Variants in DDX42 observed in about 807,000 individuals in gnomAD.
The protein encoded by DDX42 is ATP-dependent RNA helicase DDX42.
In DDX42, 22 loss-of-function variants were observed where a neutral mutation model predicts 101.5. The observed-to-expected ratio is 0.22, with a 90% confidence interval of 0.15 to 0.31. The LOEUF (loss-of-function observed/expected upper bound fraction) is 0.31. Ranked by LOEUF, DDX42 falls within the 10% of genes least tolerant of loss-of-function variation. The probability of loss-of-function intolerance (pLI) is 1.00; values close to 1 mark genes in which losing one functional copy is unlikely to be tolerated. For missense variants in DDX42, 849 were observed against 1,199.9 expected, an observed-to-expected ratio of 0.71 and a Z score of 4.32; for synonymous variants, 402 against 401.2, an observed-to-expected ratio of 1.00 and a Z score of -0.02.
Position 63,787,023 on chromosome 17 carries a change from A to G in DDX42, c.-16-11A>G, listed in dbSNP as rs746721477. 1 of 1,613,314 alleles carries G rather than the reference A, an allele frequency of 6.2e-7. No individual in the cohort carries two copies. Among genetic ancestry groups the G allele is most frequent in the Non-Finnish European group, 8.5e-7 (1 of 1,179,636 alleles). ...AGTTTAATTTATATTTGTGTATCTT[A>G]TTCCTAACAGGTCAGTCATTGGCAC... is the stretch of plus-strand genomic sequence containing the variant. On this transcript the variant is annotated splice_polypyrimidine_tract_variant and intron_variant, in intron 1 of 17. Transcript: ENST00000389924.
intron 17 of DDX42, 85 bp downstream of exon 17, chr17:63,817,051 T>G: frequency 4.2e-6 from 5 of 1,176,674 alleles, no homozygotes; most frequent in Non-Finnish European, 6.2e-6. Context: ...TGGTTGTAGC[T>G]GGGCGCCTAG....
At chr17:63,802,802 C>T (rs1206230479) in intron 6 of DDX42, among the ~76,000 whole-genome samples, 4 of 151,504 alleles carry the variant, frequency 2.6e-5, no homozygotes, top group East Asian at 1.9e-4. Flanking sequence ...CCCAGCTACT[C>T]GGGAGAGTGA....
In DDX42 at chr17:63,819,241, T is replaced by C. The variant is rs1411078570; in HGVS notation, c.*843T>C. On this transcript the variant is annotated 3_prime_UTR_variant, in exon 18 of 18. Coordinates refer to ENST00000389924, the MANE Select transcript of DDX42 (RefSeq NM_203499.3). The stretch of plus-strand genomic sequence containing the variant: ...GAAAAGAAATATACAAACTTTGACT[T>C]TTGTGACTTTGTGAAGGTTTCTTTA... 6.6e-6 allele frequency: 1 copy of C among 152,632 alleles called. No homozygotes were observed. Among genetic ancestry groups the C allele is most frequent in the Admixed American group, 6.5e-5 (1 of 15,272 alleles). The allele number at this position is 152,632 out of a possible 1,614,324, so 9.5% of individuals were successfully genotyped here.
intron 1 of DDX42, among the ~76,000 whole-genome samples, chr17:63,777,740 GC>G (rs1264851279): frequency 6.6e-6 from 1 of 151,964 alleles, no homozygotes; most frequent in Non-Finnish European, 1.5e-5. Context: ...GAGCCACCGT[GC>G]CCAGCCAGGA....
intron 3 of DDX42, among the ~76,000 whole-genome samples, chr17:63,797,456 T>C (rs2039707759): frequency 6.6e-6 from 1 of 152,036 alleles, no homozygotes; most frequent in Admixed American, 6.6e-5. Context: ...TAGAACAGAA[T>C]TTTCAGCCTT....
At chr17:63,799,082 C>T (rs1162679828) in intron 4 of DDX42, among the ~76,000 whole-genome samples, 1 of 152,178 alleles carries the variant, frequency 6.6e-6, no homozygotes, top group Non-Finnish European at 1.5e-5. Context: ...TTCCCAAACT[C>T]ATAAAGGAGT....
chr17:63,802,153 C>T (rs931939471), intron 6 of DDX42, among the ~76,000 whole-genome samples: 5 of 152,020 alleles, frequency 3.3e-5, no homozygotes, highest in Non-Finnish European at 5.9e-5. Flanking sequence ...TTCTAGTAGG[C>T]GTATTCTCTG....
At chr17:63,814,115 G>A (rs1242845244) in intron 15 of DDX42, among the ~76,000 whole-genome samples, 2 of 152,122 alleles carry the variant, frequency 1.3e-5, no homozygotes, top group African/African-American at 4.8e-5. Flanking sequence ...CAAAGTGCTA[G>A]GATTACAGGC....
chr17:63,804,782 G>A (rs1314157989), intron 6 of DDX42, among the ~76,000 whole-genome samples: 1 of 152,130 alleles, frequency 6.6e-6, no homozygotes, highest in Admixed American at 6.6e-5. Flanking sequence ...CGGGGAGGTG[G>A]AGGCTGCAGT....
intron 1 of DDX42, among the ~76,000 whole-genome samples, chr17:63,785,535 G>A (rs113433971): frequency 0.014 from 1,046 of 72,796 alleles, 10 homozygotes; most frequent in African/African-American, 0.12. Context: ...GCAGATGTGA[G>A]AGGGGGGGGT....
At chr17:63,791,314 C>A (rs1204263729) in intron 2 of DDX42, among the ~76,000 whole-genome samples, 2 of 152,124 alleles carry the variant, frequency 1.3e-5, no homozygotes, top group African/African-American at 4.8e-5. Context: ...TATTTTCTTG[C>A]TTTTTTCCTC....
chr17:63,795,985 A>G (rs917486570), intron 3 of DDX42, among the ~76,000 whole-genome samples: 11 of 152,216 alleles, frequency 7.2e-5, no homozygotes, highest in African/African-American at 2.4e-4. Flanking sequence ...TTCAGGGTAT[A>G]CGTGTGTCTT....
At chr17:63,777,704 T>C (rs2039438125) in intron 1 of DDX42, among the ~76,000 whole-genome samples, 1 of 152,098 alleles carries the variant, frequency 6.6e-6, no homozygotes, top group Non-Finnish European at 1.5e-5. Context: ...CGTCTCGGCC[T>C]CCCAAAGTGC....
At chr17:63,796,887 G>A (rs79785772) in intron 3 of DDX42, among the ~76,000 whole-genome samples, 87 of 152,178 alleles carry the variant, frequency 5.7e-4, no homozygotes, top group African/African-American at 1.9e-3. Context: ...GGAACATTTG[G>A]TTTGATAGAA....
rs970265933 is a variant in DDX42, at chr17:63,809,593, A to G, written c.1186A>G (p.Thr396Ala). ...RLIDHVKKKA[T>A]NLQRVSYLVF... Reference sequence around the variant, plus strand: ...GATAGATCATGTGAAAAAGAAAGCTACCAATCTTCAAAGAGTCTCTTACCT... The same window carrying G: ...GATAGATCATGTGAAAAAGAAAGCTGCCAATCTTCAAAGAGTCTCTTACCT... The change falls in exon 11 of 18, where the codon ACC becomes GCC. Residue 396 changes from threonine (T) to alanine (A), a missense_variant. By Grantham distance (58) the Thr-to-Ala change is moderately conservative (BLOSUM62 0). Coordinates refer to ENST00000389924, the MANE Select transcript of DDX42 (RefSeq NM_203499.3). 6.2e-6 allele frequency: 10 copies of G among 1,614,130 alleles called. No homozygotes were observed. Among genetic ancestry groups the G allele is most frequent in the Non-Finnish European group, 7.6e-6 (9 of 1,179,996 alleles).
rs766830010 is a variant in DDX42 at position 63,809,597 on chromosome 17, A to G, written c.1190A>G (p.Asn397Ser). The G allele has an allele frequency of 9.2e-5, 149 of 1,613,990 alleles. 1 individual carries two copies. Among genetic ancestry groups the G allele is most frequent in the Admixed American group, 8.7e-4 (52 of 60,008 alleles). Residue 397 changes from asparagine to serine, a missense_variant, in exon 11 of 18, where the codon AAT (asparagine) becomes AGT (serine). Physicochemically the swap from Asn to Ser is conservative, Grantham distance 46 (BLOSUM62 1). Transcript: ENST00000389924. ...LIDHVKKKAT[N>S]LQRVSYLVFD... ...GATCATGTGAAAAAGAAAGCTACCA[A>G]TCTTCAAAGAGTCTCTTACCTTGTG...
At chr17:63,808,454 G>A (rs1023405036) in intron 9 of DDX42, among the ~76,000 whole-genome samples, 1 of 152,158 alleles carries the variant, frequency 6.6e-6, no homozygotes, top group Admixed American at 6.5e-5. Flanking sequence ...GATTACAGGT[G>A]TGAGCCACTG....
intron 1 of DDX42, among the ~76,000 whole-genome samples, chr17:63,780,618 TAG>T (rs2039476706): frequency 6.6e-6 from 1 of 152,150 alleles, no homozygotes; most frequent in Admixed American, 6.5e-5. Flanking sequence ...TTGGCCTTCC[TAG>T]AGTCAGTAAT....
At chr17:63,789,571 G>GTTTTTTTTTTT (rs538515067) in intron 2 of DDX42, among the ~76,000 whole-genome samples, 1 of 45,680 alleles carries the variant, frequency 2.2e-5, no homozygotes, top group Non-Finnish European at 4.2e-5. Context: ...TTTTGTTTTT[G>GTTTTTTTTTTT]TTTTTTTTTT....
Sources: allele counts gnomAD v4.1 joint callset (sites outside exome capture counted in the v4.1 genomes callset), GRCh38; gene constraint gnomAD v4.1.1; transcripts MANE v1.5; gene names NCBI Gene and HGNC (gene_info 2026-07-23, HGNC 2026-07-21).